MYO1B: variants seen among roughly 807,000 people sequenced by gnomAD.
MYO1B encodes the protein unconventional myosin-Ib.
Under a neutral mutation model 159.7 loss-of-function variants are expected in MYO1B, and 72 were observed. The observed-to-expected ratio is 0.45, with a 90% CI of 0.37 to 0.55. MYO1B has a LOEUF of 0.55. Among genes scored for constraint, MYO1B ranks in the 20% least tolerant of loss-of-function variants. MYO1B has a pLI of 0.00. For missense variants in MYO1B, 1,062 were observed against 1,364.8 expected (o/e 0.78, Z 3.50); for synonymous variants, 468 against 473.8 (o/e 0.99, Z 0.16).
chr2:191,264,319 CTTTA>C (rs1253603054), intron 1 of MYO1B, among the ~76,000 whole-genome samples: 2 of 152,090 alleles, frequency 1.3e-5, no homozygotes, highest in Admixed American at 6.5e-5. Flanking sequence ...GTTTATTGGA[CTTTA>C]TTTTAGTGGA....
chr2:191,413,104 G>A (rs1052434168), intron 27 of MYO1B, among the ~76,000 whole-genome samples: 6 of 152,100 alleles, frequency 3.9e-5, no homozygotes, highest in African/African-American at 9.7e-5. Flanking sequence ...TAGGTTTAAG[G>A]TTTCATTTCC....
chr2:191,408,659 C>G (rs1210495960), intron 25 of MYO1B, among the ~76,000 whole-genome samples: 1 of 152,172 alleles, frequency 6.6e-6, no homozygotes, highest in Non-Finnish European at 1.5e-5. Context: ...AGCCAGCCCC[C>G]ACTGCCACTT....
chr2:191,399,946 A>G (rs187042288), intron 21 of MYO1B, among the ~76,000 whole-genome samples: 70 of 152,340 alleles, frequency 4.6e-4, no homozygotes, highest in Middle Eastern at 3.4e-3. Context: ...TTTGGGATCA[A>G]TGAGATCATT....
rs1434387214 is a variant in MYO1B, at chr2:191,386,027, C to T, written c.1497C>T (p.Phe499=). Residue 499 remains phenylalanine (F), a synonymous_variant, in exon 16 of 31, where the codon TTC becomes TTT. Coordinates refer to ENST00000392318, the MANE Select transcript of MYO1B (RefSeq NM_001130158.3). ...GCAGGATGAGCAAGTGCTCTCGGTT[C>T]CTCAATGACACGTCTCTGCCTCACA... The part of the protein sequence containing the change: ...FESRMSKCSR[F]LNDTSLPHSC... The T allele has an allele frequency of 6.2e-7, 1 of 1,614,020 alleles. No individual in the cohort carries two copies. Among genetic ancestry groups the T allele is most frequent in the African/African-American group, 1.3e-5 (1 of 74,900 alleles).
chr2:191,362,462 G>A, intron 9 of MYO1B, 91 bp downstream of exon 9: 8 of 889,560 alleles, frequency 9.0e-6, no homozygotes, highest in Non-Finnish European at 1.4e-5. Context: ...TCTTTAAAGT[G>A]TAGCTCATTC....
chr2:191,339,896 G>A (rs1174966039), intron 4 of MYO1B, among the ~76,000 whole-genome samples: 3 of 152,120 alleles, frequency 2.0e-5, no homozygotes, highest in Non-Finnish European at 2.9e-5. Context: ...AATTTTTCAC[G>A]TATTATTTTC....
At chr2:191,374,328 G>T (rs1694562070) in intron 13 of MYO1B, among the ~76,000 whole-genome samples, 1 of 152,164 alleles carries the variant, frequency 6.6e-6, no homozygotes, top group Non-Finnish European at 1.5e-5. Context: ...TAGATAACAT[G>T]TATTTTTTTA....
intron 13 of MYO1B, among the ~76,000 whole-genome samples, chr2:191,376,411 T>C (rs1468929199): frequency 6.6e-6 from 1 of 152,202 alleles, no homozygotes; most frequent in Non-Finnish European, 1.5e-5. Flanking sequence ...GGAACAGCAT[T>C]ATAATCAGAA....
chr2:191,282,914 C>T (rs1313004324), intron 2 of MYO1B, among the ~76,000 whole-genome samples: 1 of 152,222 alleles, frequency 6.6e-6, no homozygotes, highest in Non-Finnish European at 1.5e-5. Context: ...ACTCTGATCG[C>T]TGCAAAGGTA....
Position 191,408,152 on chromosome 2 carries a change from C to G in MYO1B, c.2594C>G (p.Ala865Gly). 6.2e-7 allele frequency: 1 copy of G among 1,613,150 alleles called. No homozygotes were observed. Among genetic ancestry groups the G allele is most frequent in the South Asian group, 1.1e-5 (1 of 91,048 alleles). ...REYRKFFRAN[A>G]GKKIYEFTLQ... The stretch of plus-strand genomic sequence containing the variant: ...TACAGGAAATTCTTCAGAGCCAATG[C>G]TGGAAAGAAAATCTATGAGTTTACG... The change falls in exon 25 of 31, where the codon GCT becomes GGT. Residue 865 changes from alanine (A) to glycine (G), a missense_variant. By Grantham distance (60) the Ala-to-Gly change is moderately conservative. Around this residue, in one of 5 missense-constraint regions of MYO1B, gnomAD observed 609 missense variants for 744.4 expected, o/e 0.82. Transcript: ENST00000392318.
Position 191,397,948 on chromosome 2 carries a change from G to A in MYO1B, c.2295+1451G>A, listed in dbSNP as rs1239173905. 4.4e-5 allele frequency among the ~76,000 whole-genome samples: 3 copies of A among 67,878 alleles called. No individual in the cohort carries two copies. The South Asian group carries it at 1.9e-3, about 43-fold the overall frequency. 44.5% of individuals were successfully genotyped at this position (67,878 alleles called of 152,430 possible). A position where few individuals can be genotyped will look rare whatever the true frequency, so the allele number is the denominator to read the frequency against. ...GACAGGGCGGCTGGCCGGGCGGGCC[G>A]ACCCCCCCACCTCCCTCCCGGACGG... On this transcript the variant is annotated intron_variant, in intron 21 of 30. Coordinates refer to ENST00000392318, the MANE Select transcript of MYO1B (RefSeq NM_001130158.3).
intron 2 of MYO1B, among the ~76,000 whole-genome samples, chr2:191,293,221 A>G (rs1688784395): frequency 6.6e-6 from 1 of 152,240 alleles, no homozygotes; most frequent in African/African-American, 2.4e-5. Flanking sequence ...GAAGGAGTGG[A>G]GAAAAAAACT....
At chr2:191,340,735 T>G (rs1274954439) in intron 4 of MYO1B, among the ~76,000 whole-genome samples, 2 of 151,896 alleles carry the variant, frequency 1.3e-5, no homozygotes, top group Non-Finnish European at 2.9e-5. Context: ...TTTTGGTGTT[T>G]TTTTTTTTGA....
chr2:191,376,413 TA>T (rs1214301447), intron 13 of MYO1B, among the ~76,000 whole-genome samples: 1 of 152,234 alleles, frequency 6.6e-6, no homozygotes, highest in East Asian at 1.9e-4. Flanking sequence ...AACAGCATTA[TA>T]ATCAGAAGCT....
At chr2:191,259,739 G>C (rs1686680796) in intron 1 of MYO1B, among the ~76,000 whole-genome samples, 1 of 152,278 alleles carries the variant, frequency 6.6e-6, no homozygotes, top group South Asian at 2.1e-4. Flanking sequence ...GTAATGGATG[G>C]AGTGACTTGG....
chr2:191,317,259 T>TA (rs1287389012), intron 3 of MYO1B, among the ~76,000 whole-genome samples: 1 of 152,134 alleles, frequency 6.6e-6, no homozygotes, highest in African/African-American at 2.4e-5. Context: ...GAAATGAGGA[T>TA]AAAAGTGATA....
At chr2:191,326,811 TGTGTGC>T (rs1691120038) in intron 3 of MYO1B, among the ~76,000 whole-genome samples, 1 of 130,808 alleles carries the variant, frequency 7.6e-6, no homozygotes, top group African/African-American at 2.8e-5. Flanking sequence ...TGTGTGTGTG[TGTGTGC>T]GCGCGCCATA....
intron 2 of MYO1B, among the ~76,000 whole-genome samples, chr2:191,281,765 T>A (rs1256659216): frequency 6.6e-6 from 1 of 152,198 alleles, no homozygotes; most frequent in Admixed American, 6.5e-5. Flanking sequence ...AACCAAGGTG[T>A]CTGTTCTCTG....
intron 27 of MYO1B, 23 bp downstream of exon 27, chr2:191,411,195 A>C: frequency 6.9e-7 from 1 of 1,451,426 alleles, no homozygotes; most frequent in Non-Finnish European, 9.4e-7. Context: ...TGCTTTACCC[A>C]TAAAATTCAG....
Sources: allele counts gnomAD v4.1 joint callset (sites outside exome capture counted in the v4.1 genomes callset), GRCh38; gene constraint gnomAD v4.1.1; regional missense constraint gnomAD v4.1.1; transcripts MANE v1.5; gene names NCBI Gene and HGNC (gene_info 2026-07-23, HGNC 2026-07-21).